TRPS1: variants seen among roughly 807,000 people sequenced by gnomAD.
The protein encoded by TRPS1 is transcriptional repressor GATA binding 1.
Under a neutral mutation model 101.2 loss-of-function variants are expected in TRPS1, and 6 were observed. The observed-to-expected ratio is 0.06, with a 90% CI of 0.03 to 0.12. The LOEUF is 0.12. Among genes scored for constraint, TRPS1 ranks in the 10% least tolerant of loss-of-function variants. TRPS1 has a pLI of 1.00. For missense variants in TRPS1, 1,363 were observed against 1,567.0 expected (o/e 0.87, Z 2.20); for synonymous variants, 578 against 589.8 (o/e 0.98, Z 0.29).
intron 5 of TRPS1, among the ~76,000 whole-genome samples, chr8:115,462,604 G>A (rs1428059146): frequency 1.3e-5 from 2 of 148,558 alleles, no homozygotes; most frequent in African/African-American, 4.9e-5. Flanking sequence ...AAAATAAAGA[G>A]GTTTTTGTTG....
intron 5 of TRPS1, among the ~76,000 whole-genome samples, chr8:115,525,345 C>G (rs1192273141): frequency 6.6e-6 from 1 of 152,032 alleles, no homozygotes; most frequent in African/African-American, 2.4e-5. Flanking sequence ...AAGAATTTGT[C>G]TATAGTACAG....
intron 1 of TRPS1, among the ~76,000 whole-genome samples, chr8:115,626,748 T>C (rs13265978): frequency 0.052 from 7,937 of 151,900 alleles, 284 homozygotes; most frequent in Middle Eastern, 0.095. Context: ...ATCTGGACAC[T>C]AGAACTAACC....
At chr8:115,568,817 C>CTACAGTAT (rs1204215273) in intron 5 of TRPS1, among the ~76,000 whole-genome samples, 1 of 152,102 alleles carries the variant, frequency 6.6e-6, no homozygotes, top group Non-Finnish European at 1.5e-5. Flanking sequence ...GTAAGACTGC[C>CTACAGTAT]TACAGTATTT....
intron 5 of TRPS1, among the ~76,000 whole-genome samples, chr8:115,571,634 T>C (rs942847636): frequency 1.1e-4 from 17 of 152,168 alleles, no homozygotes; most frequent in African/African-American, 4.8e-5. Context: ...ACAGGTGATA[T>C]ATCACAGGCA....
chr8:115,527,057 C>G (rs553648454), intron 5 of TRPS1, among the ~76,000 whole-genome samples: 1 of 152,156 alleles, frequency 6.6e-6, no homozygotes, highest in South Asian at 2.1e-4. Context: ...AATTTATATA[C>G]AAGTTTTCCA....
intron 5 of TRPS1, among the ~76,000 whole-genome samples, chr8:115,532,853 A>G (rs1428306128): frequency 6.6e-6 from 1 of 152,146 alleles, no homozygotes; most frequent in African/African-American, 2.4e-5. Flanking sequence ...CACGAGGATG[A>G]TAAGAAGGCA....
chr8:115,526,535 A>G (rs1816004306), intron 5 of TRPS1, among the ~76,000 whole-genome samples: 1 of 152,190 alleles, frequency 6.6e-6, no homozygotes, highest in Non-Finnish European at 1.5e-5. Flanking sequence ...AATTTGGACA[A>G]AAACAAAAAT....
intron 4 of TRPS1, among the ~76,000 whole-genome samples, chr8:115,595,785 A>G (rs564730586): frequency 6.6e-6 from 1 of 152,046 alleles, no homozygotes; most frequent in East Asian, 1.9e-4. Context: ...CTGTTCTTGC[A>G]TAGTATTCAG....
chr8:115,590,023 A>C (rs1817646083), intron 4 of TRPS1, among the ~76,000 whole-genome samples: 1 of 152,158 alleles, frequency 6.6e-6, no homozygotes, highest in Admixed American at 6.5e-5. Context: ...AGGCTGAGGC[A>C]GGAGAATTAC....
chr8:115,599,263 A>C (rs1586443225), intron 4 of TRPS1, among the ~76,000 whole-genome samples: 1 of 151,872 alleles, frequency 6.6e-6, no homozygotes, highest in Admixed American at 6.6e-5. Context: ...ATATGTTTTA[A>C]GTTTCGAGAG....
intron 4 of TRPS1, among the ~76,000 whole-genome samples, chr8:115,600,776 C>T (rs1817889588): frequency 6.6e-6 from 1 of 151,690 alleles, no homozygotes. Context: ...TGCCAAAAAC[C>T]TAAGTTATAA....
At position 115,411,796 on chromosome 8, in the gene TRPS1, C is replaced by CT. The variant is rs1257374248; in HGVS notation, c.*2226dup. ...TTCTGTCTCTTGCTTTCTCTTTTCT[C>CT]TTTTTTTAATATGCAAACAAAAAAA... On this transcript the variant is annotated 3_prime_UTR_variant, in exon 7 of 7. Transcript: ENST00000395715. The CT allele has an allele frequency of 1.3e-5, 2 of 152,046 alleles. No homozygotes were observed. The highest frequency in any genetic ancestry group is 2.9e-5 in the Non-Finnish European group (2 of 67,942). 9.4% of individuals were successfully genotyped at this position (152,046 alleles called of 1,614,324 possible). A position where few individuals can be genotyped will look rare whatever the true frequency, so the allele number is the denominator to read the frequency against.
At chr8:115,582,132 C>T (rs549605403) in intron 5 of TRPS1, among the ~76,000 whole-genome samples, 110 of 152,226 alleles carry the variant, frequency 7.2e-4, no homozygotes, top group African/African-American at 2.5e-3. Context: ...AAGTCCAAAT[C>T]GGGTGAGAAA....
At chr8:115,558,872 A>G (rs1431948043) in intron 5 of TRPS1, among the ~76,000 whole-genome samples, 1 of 152,116 alleles carries the variant, frequency 6.6e-6, no homozygotes, top group Non-Finnish European at 1.5e-5. Flanking sequence ...CTAATGTGGT[A>G]TTTTTTTAAA....
At chr8:115,501,013 T>TG (rs11407031) in intron 5 of TRPS1, among the ~76,000 whole-genome samples, 152,249 of 152,252 alleles carry the variant, frequency 1, 76,123 homozygotes, top group Middle Eastern at 1. Flanking sequence ...TTATTCATCT[T>TG]GGTTTCGGGG....
intron 5 of TRPS1, among the ~76,000 whole-genome samples, chr8:115,528,980 C>A (rs1024156417): frequency 1.5e-4 from 23 of 152,048 alleles, no homozygotes; most frequent in African/African-American, 5.5e-4. Context: ...CCGTTAAGAA[C>A]CTCACCAAGA....
At chr8:115,437,700 T>TG (rs977331746) in intron 5 of TRPS1, among the ~76,000 whole-genome samples, 8 of 151,980 alleles carry the variant, frequency 5.3e-5, no homozygotes, top group Admixed American at 2.0e-4. Context: ...TAAATAGGAT[T>TG]GGGGGGGCAG....
At position 115,411,903 on chromosome 8, in the gene TRPS1, C is replaced by T. The variant is rs1466654267; in HGVS notation, c.*2120G>A. On this transcript the variant is annotated 3_prime_UTR_variant, in exon 7 of 7. Coordinates refer to ENST00000395715, the MANE Select transcript of TRPS1 (RefSeq NM_014112.5). ...CTACAACAGTCACGAACTGGTTGAA[C>T]TCTACCTGCCATCCAACTTTAAGAA... 1 of 152,258 alleles carries T rather than the reference C, an allele frequency of 6.6e-6. No homozygotes were observed. The highest frequency in any genetic ancestry group is 2.4e-5 in the African/African-American group (1 of 41,392). The allele number at this position is 152,258 out of a possible 1,614,324, so 9.4% of individuals were successfully genotyped here.
At chr8:115,449,962 C>CACAT (rs1331170424) in intron 5 of TRPS1, among the ~76,000 whole-genome samples, 1 of 149,148 alleles carries the variant, frequency 6.7e-6, no homozygotes, top group Non-Finnish European at 1.5e-5. Context: ...ATTTAACACA[C>CACAT]ACACACACAC....
Sources: allele counts gnomAD v4.1 joint callset (sites outside exome capture counted in the v4.1 genomes callset), GRCh38; gene constraint gnomAD v4.1.1; transcripts MANE v1.5; gene names NCBI Gene and HGNC (gene_info 2026-07-23, HGNC 2026-07-21).